SP140: variants seen among roughly 807,000 people sequenced by gnomAD.
SP140 encodes the protein SP140 nuclear body protein, also known as nuclear body protein SP140.
In SP140, 81 loss-of-function variants were observed where a neutral mutation model predicts 125.0. The ratio of observed to expected loss-of-function variants is 0.65; its 90% confidence interval spans 0.54 to 0.78. The LOEUF (loss-of-function observed/expected upper bound fraction) is 0.78, where lower values mean the gene tolerates loss of function less well. SP140 is among the 30% of genes least tolerant of loss of function. The pLI is 0.00. For missense variants in SP140, 858 were observed against 1,037.0 expected, an observed-to-expected ratio of 0.83 and a Z score of 2.37; for synonymous variants, 312 against 354.0, an observed-to-expected ratio of 0.88 and a Z score of 1.33.
intron 22 of SP140, among the ~76,000 whole-genome samples, chr2:230,302,360 C>T (rs1292221131): frequency 6.6e-6 from 1 of 152,184 alleles, no homozygotes; most frequent in Non-Finnish European, 1.5e-5. Flanking sequence ...CACCACTGTA[C>T]TCCAGCCTGG....
the SP140 span, chr2:230,186,168 G>C: frequency 1.7e-3 from 2,819 of 1,613,016 alleles, 8 homozygotes; most frequent in Non-Finnish European, 2.3e-3. Flanking sequence ...CTTGTGAATA[G>C]TTTAGTGAGC....
intron 5 of SP140, 101 bp from the exon 6 acceptor site, chr2:230,244,887 G>A: frequency 2.5e-6 from 2 of 797,740 alleles, no homozygotes; most frequent in Admixed American, 2.3e-5. Context: ...GAGCAATAGT[G>A]TTTTTTTGCA....
At chr2:230,200,592 G>C, upstream of SP140, 1 of 461,768 alleles carries the variant, frequency 2.2e-6, no homozygotes, top group Non-Finnish European at 3.9e-6. Flanking sequence ...CTCATTCTCA[G>C]TAATGGTGAT....
chr2:230,230,413 T>A (rs1427490151), intron 1 of SP140: 1 of 152,142 alleles, frequency 6.6e-6, no homozygotes, highest in Non-Finnish European at 1.5e-5. Context: ...TAGGAGCAAT[T>A]GCGGTGGTTA....
chr2:230,203,358 G>A (rs765120969), intron 1 of SP140: 16 of 157,028 alleles, frequency 1.0e-4, no homozygotes, highest in Non-Finnish European at 2.1e-4. Flanking sequence ...CAGGATGACC[G>A]CTGTCCTGTT....
intron 15 of SP140, among the ~76,000 whole-genome samples, chr2:230,277,126 C>T (rs1309661715): frequency 6.6e-6 from 1 of 152,008 alleles, no homozygotes; most frequent in East Asian, 1.9e-4. Flanking sequence ...GAGGATCTAC[C>T]GTGATAAAAT....
At chr2:230,276,848 A>C (rs1056135284) in intron 15 of SP140, among the ~76,000 whole-genome samples, 4 of 152,190 alleles carry the variant, frequency 2.6e-5, no homozygotes, top group African/African-American at 9.6e-5. Context: ...ATGACTTTGA[A>C]GTGTTCAACA....
rs189790616 is a variant in SP140, at chr2:230,312,433, C to T, written c.2506-153C>T. Among the ~76,000 whole-genome samples, 3 of 152,218 alleles carry T rather than the reference C, an allele frequency of 2.0e-5. No homozygotes were observed. The East Asian group carries it at 5.8e-4, about 29-fold the overall frequency. On this transcript the variant is annotated intron_variant, in intron 26 of 26. Coordinates refer to ENST00000392045, the MANE Select transcript of SP140 (RefSeq NM_007237.5). Reference sequence around the variant, plus strand: ...TCCACATAGCAGTCATAAATCACAACATTACTTTGTACTCCAAAATATATG... The same window carrying T: ...TCCACATAGCAGTCATAAATCACAATATTACTTTGTACTCCAAAATATATG...
At chr2:230,251,196 C>A in intron 10 of SP140, 135 bp downstream of exon 10, 1 of 720,338 alleles carries the variant, frequency 1.4e-6, no homozygotes, top group Non-Finnish European at 2.3e-6. Context: ...AGATTTTTCA[C>A]ATTTTCTATA....
Position 230,245,926 on chromosome 2 carries a change from C to A in SP140, c.728C>A (p.Pro243His). Residue 243 changes from proline (P) to histidine (H), a missense_variant, in exon 7 of 27, where the codon CCT (proline) becomes CAT (histidine). Physicochemically the swap from Pro to His is moderately conservative, Grantham distance 77 (BLOSUM62 -2). Transcript: ENST00000392045. ...GESEEMPKLL[P>H]YDTEVLESNG... ...TCAGAAGAAATGCCCAAGTTACTGC[C>A]TTATGATACAGAAGGTAATTAGGAT... The A allele has an allele frequency of 6.3e-7, 1 of 1,594,048 alleles. No individual in the cohort carries two copies. The highest frequency in any genetic ancestry group is 8.6e-7 in the Non-Finnish European group (1 of 1,161,740).
intron 19 of SP140, among the ~76,000 whole-genome samples, chr2:230,291,878 T>A (rs1393967536): frequency 6.6e-6 from 1 of 152,220 alleles, no homozygotes; most frequent in African/African-American, 2.4e-5. Flanking sequence ...ACCAGCAATG[T>A]ATGAAGGCTC....
chr2:230,200,011 A>G (rs999668675), upstream of SP140, among the ~76,000 whole-genome samples: 5 of 152,210 alleles, frequency 3.3e-5, no homozygotes, highest in African/African-American at 7.2e-5. Context: ...AAATTGGAAT[A>G]GGTCATTCAA....
At chr2:230,281,964 G>A (rs2055634832) in intron 15 of SP140, among the ~76,000 whole-genome samples, 1 of 152,058 alleles carries the variant, frequency 6.6e-6, no homozygotes, top group Non-Finnish European at 1.5e-5. Flanking sequence ...TTTCCCCCAG[G>A]ACCCATGAAA....
At chr2:230,259,771 C>CATATATATATATATGTATATATATATAT (rs2051883311) in intron 12 of SP140, among the ~76,000 whole-genome samples, 2 of 85,898 alleles carry the variant, frequency 2.3e-5, no homozygotes, top group Non-Finnish European at 5.2e-5. Flanking sequence ...AGTATTCCAT[C>CATATATATATATATGTATATATATATAT]ATATATATAT....
intron 3 of SP140, chr2:230,220,159 T>G (rs1401463610): frequency 6.1e-6 from 5 of 817,184 alleles, no homozygotes. Context: ...GGGGAGGGCG[T>G]GTTGCCAGTT....
intron 22 of SP140, among the ~76,000 whole-genome samples, chr2:230,297,974 T>C (rs193162014): frequency 6.6e-6 from 1 of 152,348 alleles, no homozygotes; most frequent in Admixed American, 6.5e-5. Flanking sequence ...TCATTAGCCC[T>C]GTAAAGGAGT....
At chr2:230,280,927 T>A (rs922181393) in intron 15 of SP140, among the ~76,000 whole-genome samples, 2 of 152,152 alleles carry the variant, frequency 1.3e-5, no homozygotes, top group African/African-American at 4.8e-5. Flanking sequence ...GTAAACTCTG[T>A]AAGTGTTGGG....
chr2:230,292,623 A>C, intron 19 of SP140, 23 bp from the exon 20 acceptor site: 1 of 1,613,964 alleles, frequency 6.2e-7, no homozygotes, highest in Non-Finnish European at 8.5e-7. Flanking sequence ...AGGGCTCAGG[A>C]TCAAGTTACC....
chr2:230,211,618 A>G lies in SP140; in HGVS notation c.-322-2036A>G. The G allele has an allele frequency of 1.0e-6, 1 of 960,858 alleles. No homozygotes were observed. Among genetic ancestry groups the G allele is most frequent in the South Asian group, 1.3e-5 (1 of 77,852 alleles). The allele number at this position is 960,858 out of a possible 1,614,324, so 59.5% of individuals were successfully genotyped here. On this transcript the variant is annotated intron_variant, in intron 1 of 4. Coordinates refer to the SP140 transcript ENST00000456542. The surrounding 1 kb of genome is among the most constrained non-coding windows in gnomAD (Gnocchi z 4.2). ...CAAGCAGGGACCAGAATGAGGAGAA[A>G]AGAGAATGCTCTATTCCAACAAGTA... is the stretch of plus-strand genomic sequence containing the variant.
Sources: gnomAD v4.1 joint callset for allele counts (sites outside exome capture counted in the v4.1 genomes callset) on GRCh38, gnomAD v4.1.1 for gene constraint, Gnocchi (gnomAD v3.1) non-coding constraint, MANE v1.5 for transcripts, NCBI Gene and HGNC (gene_info 2026-07-23, HGNC 2026-07-21) for gene names.